The following ASZ1 variants were observed in gnomAD, a reference collection of about 807,000 sequenced individuals.
ASZ1 encodes the protein ankyrin repeat, SAM and basic leucine zipper domain-containing protein 1.
Under a neutral mutation model 61.8 loss-of-function variants are expected in ASZ1, and 67 were observed. The ratio of observed to expected loss-of-function variants is 1.08; its 90% CI spans 0.89 to 1.33. The LOEUF (loss-of-function observed/expected upper bound fraction) is 1.33. Ranked by LOEUF, ASZ1 falls within the 40% of genes most tolerant of loss-of-function variation. The pLI is 0.00. For synonymous variants in ASZ1, 193 were observed against 192.7 expected (o/e 1.00, Z -0.01); for missense variants, 577 against 554.5 (o/e 1.04, Z -0.41).
intron 4 of ASZ1, among the ~76,000 whole-genome samples, chr7:117,414,600 A>C (rs1562859676): frequency 6.6e-6 from 1 of 152,136 alleles, no homozygotes; most frequent in Non-Finnish European, 1.5e-5. Flanking sequence ...CGTCACCTAC[A>C]TTAAGTATTT....
intron 4 of ASZ1, among the ~76,000 whole-genome samples, chr7:117,388,599 C>G (rs761055447): frequency 2.6e-5 from 4 of 152,060 alleles, no homozygotes; most frequent in Non-Finnish European, 5.9e-5. Context: ...ACATTTATTT[C>G]TAACAAAAAC....
chr7:117,420,314 C>G (rs76196291), intron 3 of ASZ1, 40 bp from the exon 4 acceptor site: 39,182 of 1,419,868 alleles, frequency 0.028, 788 homozygotes, highest in African/African-American at 0.039. Context: ...CCCCATACAT[C>G]AAGAGCATCT....
At chr7:117,411,755 C>T (rs1796894122) in intron 4 of ASZ1, among the ~76,000 whole-genome samples, 1 of 151,694 alleles carries the variant, frequency 6.6e-6, no homozygotes, top group African/African-American at 2.4e-5. Context: ...GTATTTTTAT[C>T]CCCTACTATA....
chr7:117,395,527 T>G (rs958690866), intron 4 of ASZ1, among the ~76,000 whole-genome samples: 2 of 152,120 alleles, frequency 1.3e-5, no homozygotes, highest in African/African-American at 4.8e-5. Context: ...GACGTGTATA[T>G]TCAATCTTCT....
At chr7:117,370,804 T>TTGTGTG (rs3138784) in intron 10 of ASZ1, among the ~76,000 whole-genome samples, 6,007 of 133,212 alleles carry the variant, frequency 0.045, 182 homozygotes, top group African/African-American at 0.086. Flanking sequence ...CCAAAGGTAA[T>TTGTGTG]TGTGTGTGTG....
At chr7:117,426,185 A>G (rs969883006) in intron 2 of ASZ1, among the ~76,000 whole-genome samples, 3 of 152,018 alleles carry the variant, frequency 2.0e-5, no homozygotes, top group Admixed American at 2.0e-4. Context: ...ACCATTTCTT[A>G]AGAAACATAC....
chr7:117,363,816 T>TA (rs145304634), intron 12 of ASZ1, 68 bp from the exon 13 acceptor site: 3 of 1,230,554 alleles, frequency 2.4e-6, no homozygotes, highest in African/African-American at 3.1e-5. Flanking sequence ...ATTTTGATTT[T>TA]AAAAAATATC....
chr7:117,381,982 A>G (rs1796262449), intron 8 of ASZ1, 87 bp downstream of exon 8: 2 of 825,628 alleles, frequency 2.4e-6, no homozygotes, highest in Admixed American at 2.4e-5. Flanking sequence ...TTATTCATAG[A>G]CATGTTTATG....
intron 4 of ASZ1, among the ~76,000 whole-genome samples, chr7:117,387,449 G>A (rs1312836883): frequency 6.6e-6 from 1 of 152,092 alleles, no homozygotes. Context: ...CCGAACTGTT[G>A]ATGTCTCATC....
At chr7:117,415,351 G>A (rs182080387) in intron 4 of ASZ1, among the ~76,000 whole-genome samples, 87 of 152,018 alleles carry the variant, frequency 5.7e-4, no homozygotes, top group Non-Finnish European at 9.9e-4. Flanking sequence ...TCTTTTGTCC[G>A]GCATATCCAC....
At chr7:117,419,710 T>C (rs1584743743) in intron 4 of ASZ1, among the ~76,000 whole-genome samples, 1 of 152,214 alleles carries the variant, frequency 6.6e-6, no homozygotes, top group Non-Finnish European at 1.5e-5. Flanking sequence ...CACTATTACA[T>C]ACATGTTATT....
Position 117,422,331 on chromosome 7 carries a change from A to G in ASZ1, c.234T>C (p.Tyr78=). The change falls in exon 3 of 13, where the codon TAT becomes TAC. Residue 78 remains tyrosine, a synonymous_variant. Transcript: ENST00000284629. The stretch of plus-strand genomic sequence containing the variant: ...CAGCATACATAAGGGGAGTCCATCC[A>G]TACTGAAAGTTGGAATCTACACTAA... ...SGISVDSNFQ[Y]GWTPLMYAAS... is the part of the protein sequence containing the mutation. 10 of 1,613,622 alleles carry G rather than the reference A, an allele frequency of 6.2e-6. No homozygotes were observed. The highest frequency in any genetic ancestry group is 8.5e-6 in the Non-Finnish European group (10 of 1,179,836).
chr7:117,422,482 G>A, intron 2 of ASZ1, 123 bp from the exon 3 acceptor site: 1 of 1,112,136 alleles, frequency 9.0e-7, no homozygotes, highest in East Asian at 2.7e-5. Flanking sequence ...ACCATGGGAA[G>A]TTTTTAATGG....
intron 2 of ASZ1, among the ~76,000 whole-genome samples, chr7:117,423,530 T>C (rs1250388393): frequency 2.0e-5 from 3 of 151,422 alleles, no homozygotes; most frequent in African/African-American, 4.9e-5. Flanking sequence ...ATAGCAAAGA[T>C]AGAAAGGAAA....
chr7:117,404,308 C>G (rs1214073083), intron 4 of ASZ1, among the ~76,000 whole-genome samples: 1 of 151,624 alleles, frequency 6.6e-6, no homozygotes, highest in Non-Finnish European at 1.5e-5. Flanking sequence ...TACAGTCTAA[C>G]CCAAACAGTA....
chr7:117,406,609 C>T (rs1796786564), intron 4 of ASZ1, among the ~76,000 whole-genome samples: 2 of 152,000 alleles, frequency 1.3e-5, no homozygotes, highest in Non-Finnish European at 2.9e-5. Context: ...CAAAATTAGC[C>T]AGGCGTGGTG....
At chr7:117,421,144 T>C (rs1797092670) in intron 3 of ASZ1, among the ~76,000 whole-genome samples, 1 of 152,198 alleles carries the variant, frequency 6.6e-6, no homozygotes, top group Non-Finnish European at 1.5e-5. Flanking sequence ...AAAAGAATAA[T>C]TATTAATTAA....
intron 6 of ASZ1, among the ~76,000 whole-genome samples, chr7:117,383,908 G>T (rs1476681633): frequency 6.6e-6 from 1 of 151,956 alleles, no homozygotes; most frequent in Non-Finnish European, 1.5e-5. Flanking sequence ...TAAAAATTCT[G>T]AAAATATTAG....
chr7:117,374,596 A>G (rs1397458103), intron 10 of ASZ1, among the ~76,000 whole-genome samples: 1 of 152,062 alleles, frequency 6.6e-6, no homozygotes, highest in African/African-American at 2.4e-5. Flanking sequence ...AAAAAATCAA[A>G]CTGGAATACG....
Sources: allele counts gnomAD v4.1 joint callset (sites outside exome capture counted in the v4.1 genomes callset), GRCh38; gene constraint gnomAD v4.1.1; transcripts MANE v1.5; gene names NCBI Gene and HGNC (gene_info 2026-07-23, HGNC 2026-07-21).